Variants in RSBN1 observed in about 807,000 individuals in gnomAD.
RSBN1 encodes the protein lysine-specific demethylase 9.
A neutral mutation model predicts 74.8 loss-of-function variants in RSBN1; 23 were observed. That is an observed-to-expected ratio of 0.31 (90% CI 0.22 to 0.44). The LOEUF is 0.44. Ranked by LOEUF, RSBN1 falls within the 20% of genes least tolerant of loss-of-function variation. The pLI is 1.00. For missense variants in RSBN1, 808 were observed against 1,020.9 expected, an observed-to-expected ratio of 0.79 and a Z score of 2.84; for synonymous variants, 407 against 379.6, an observed-to-expected ratio of 1.07 and a Z score of -0.84.
chr1:113,809,247 C>T (rs79501241), intron 1 of RSBN1, among the ~76,000 whole-genome samples: 1 of 152,202 alleles, frequency 6.6e-6, no homozygotes, highest in Admixed American at 6.5e-5. Flanking sequence ...AGTACTTTCA[C>T]ACAATGCCCT....
chr1:113,766,858 C>T (rs1401227721), intron 6 of RSBN1, among the ~76,000 whole-genome samples: 4 of 152,112 alleles, frequency 2.6e-5, no homozygotes, highest in South Asian at 2.1e-4. Context: ...ATAACTGAGC[C>T]GCCTGGGACC....
At chr1:113,788,943 AAAC>A (rs1276229966) in intron 2 of RSBN1, among the ~76,000 whole-genome samples, 2 of 152,122 alleles carry the variant, frequency 1.3e-5, no homozygotes, top group Non-Finnish European at 2.9e-5. Flanking sequence ...ATAAAACTGT[AAAC>A]AACCTCAATG....
chr1:113,764,918 C>T lies in RSBN1; in HGVS notation c.*1062G>A, dbSNP rs906961886. On this transcript the variant is annotated 3_prime_UTR_variant, in exon 7 of 7. Transcript: ENST00000261441. ...ACTAAGCATTAGCCTACCTGAAACT[C>T]TAGGATGAAGTCTAGTGCTGTATTC... 2.0e-5 allele frequency: 3 copies of T among 152,170 alleles called. No individual in the cohort carries two copies. Among genetic ancestry groups the T allele is most frequent in the Admixed American group, 1.3e-4 (2 of 15,256 alleles). The allele number at this position is 152,170 out of a possible 1,614,324, so 9.4% of individuals were successfully genotyped here.
chr1:113,787,413 G>A (rs937039090), intron 2 of RSBN1, among the ~76,000 whole-genome samples: 5 of 152,306 alleles, frequency 3.3e-5, no homozygotes, highest in Admixed American at 3.3e-4. Flanking sequence ...TTTGCAAACT[G>A]AGAACTCTGG....
Position 113,777,653 on chromosome 1 carries a change from A to G in RSBN1, c.1515+18T>C, listed in dbSNP as rs764797483. ...TTAAGTAAAGATCAAAACTTTAATA[A>G]TCTTAATTAACACTCACTTTCAGAA... is the stretch of plus-strand genomic sequence containing the variant. On this transcript the variant is annotated intron_variant, in intron 3 of 6. Coordinates refer to ENST00000261441, the MANE Select transcript of RSBN1 (RefSeq NM_018364.5). The G allele has an allele frequency of 1.1e-5, 18 of 1,600,446 alleles. No individual in the cohort carries two copies. The highest frequency in any genetic ancestry group is 1.5e-5 in the Non-Finnish European group (17 of 1,170,916).
intron 4 of RSBN1, among the ~76,000 whole-genome samples, chr1:113,774,451 G>C (rs1211220464): frequency 2.6e-5 from 4 of 151,938 alleles, no homozygotes; most frequent in Non-Finnish European, 5.9e-5. Flanking sequence ...GAGGCGGGTG[G>C]ATCACGAGGT....
At position 113,767,114 on chromosome 1, in the gene RSBN1, T is replaced by A; in HGVS notation, c.1920A>T (p.Glu640Asp). Reference protein sequence around the residue: ...VVQRLQLDLHEPPVSQCVQWV... With the variant: ...VVQRLQLDLHDPPVSQCVQWV... Reference sequence around the variant, plus strand: ...AAGTTATTACCTGGGAAACTGGAGGTTCATGAAGATCTAACTGAAGTCTTT... The same window carrying A: ...AAGTTATTACCTGGGAAACTGGAGGATCATGAAGATCTAACTGAAGTCTTT... Residue 640 changes from glutamate to aspartate, a missense_variant, in exon 6 of 7, where the codon GAA (glutamate) becomes GAT (aspartate). By Grantham distance (45) the Glu-to-Asp change is conservative. Transcript: ENST00000261441. 1 of 1,596,670 alleles carries A rather than the reference T, an allele frequency of 6.3e-7. No homozygotes were observed. The highest frequency in any genetic ancestry group is 1.7e-4 in the Middle Eastern group (1 of 5,990).
At chr1:113,773,521 T>A (rs1659921154) in intron 4 of RSBN1, among the ~76,000 whole-genome samples, 1 of 151,972 alleles carries the variant, frequency 6.6e-6, no homozygotes, top group African/African-American at 2.4e-5. Flanking sequence ...AGACTCTGTC[T>A]AAAACAATTT....
At chr1:113,782,283 T>G (rs998743634) in intron 2 of RSBN1, among the ~76,000 whole-genome samples, 2 of 152,122 alleles carry the variant, frequency 1.3e-5, no homozygotes, top group Admixed American at 6.6e-5. Context: ...ATTTACAGAT[T>G]TTAGGTAAGT....
intron 1 of RSBN1, 96 bp downstream of exon 1, chr1:113,811,614 G>C: frequency 6.8e-7 from 1 of 1,467,404 alleles, no homozygotes. Context: ...GCAGCAGAAG[G>C]TAAGCAGGGG....
chr1:113,767,390 A>T (rs1403398275), intron 5 of RSBN1, among the ~76,000 whole-genome samples, 183 bp from the exon 6 acceptor site: 1 of 152,166 alleles, frequency 6.6e-6, no homozygotes, highest in Non-Finnish European at 1.5e-5. Context: ...AGCCATAAAA[A>T]TCAGATTTGC....
chr1:113,789,386 C>T lies in RSBN1; in HGVS notation c.1377+7977G>A, dbSNP rs370723245. On this transcript the variant is annotated intron_variant, in intron 2 of 6. Transcript: ENST00000261441. ...CTACGGGGAAAGAAGCTCCTGTGCT[C>T]GGGACCCTTCCAGACCATGCCCTGT... Among the ~76,000 whole-genome samples, 17 of 152,264 alleles carry T rather than the reference C, an allele frequency of 1.1e-4. No individual in the cohort carries two copies. The East Asian group carries it at 1.2e-3, about 10-fold the overall frequency.
chr1:113,764,035 G>A lies in RSBN1; in HGVS notation c.*1945C>T, dbSNP rs1356818122. On this transcript the variant is annotated 3_prime_UTR_variant, in exon 7 of 7. Transcript: ENST00000261441. ...GAAGAATTTTACTTTGCACAGCCTG[G>A]TAAAGCTCTTCTGGACAGAAAAATA... 1 of 152,222 alleles carries A rather than the reference G, an allele frequency of 6.6e-6. No individual in the cohort carries two copies. The highest frequency in any genetic ancestry group is 1.9e-4 in the East Asian group (1 of 5,336). The allele number at this position is 152,222 out of a possible 1,614,324, so 9.4% of individuals were successfully genotyped here. A position where few individuals can be genotyped will look rare whatever the true frequency, so the allele number is the denominator to read the frequency against.
chr1:113,774,398 G>A (rs1659944966), intron 4 of RSBN1, among the ~76,000 whole-genome samples: 1 of 151,974 alleles, frequency 6.6e-6, no homozygotes, highest in Admixed American at 6.6e-5. Flanking sequence ...CAACAGGCCA[G>A]GCACGGTGGC....
intron 2 of RSBN1, among the ~76,000 whole-genome samples, chr1:113,791,241 AT>A (rs1395691345): frequency 2.0e-5 from 3 of 152,224 alleles, no homozygotes; most frequent in Admixed American, 6.5e-5. Flanking sequence ...ATTAAAAAAA[AT>A]AATAGTTTTG....
intron 1 of RSBN1, among the ~76,000 whole-genome samples, chr1:113,802,662 A>G (rs1558004297): frequency 6.6e-6 from 1 of 151,776 alleles, no homozygotes; most frequent in Non-Finnish European, 1.5e-5. Flanking sequence ...TATACTTTCT[A>G]GAAGTATACT....
chr1:113,799,837 C>T (rs1558003520), intron 1 of RSBN1, among the ~76,000 whole-genome samples: 1 of 152,088 alleles, frequency 6.6e-6, no homozygotes, highest in East Asian at 1.9e-4. Flanking sequence ...GAAAATATAC[C>T]TAGCAGGAAA....
chr1:113,811,546 CA>C (rs1660846841), intron 1 of RSBN1, among the ~76,000 whole-genome samples, 163 bp downstream of exon 1: 1 of 152,194 alleles, frequency 6.6e-6, no homozygotes, highest in African/African-American at 2.4e-5. Flanking sequence ...GTAGTTAGAT[CA>C]AACCGTGTCA....
chr1:113,811,168 A>T (rs1208478856), intron 1 of RSBN1, among the ~76,000 whole-genome samples: 2 of 152,184 alleles, frequency 1.3e-5, no homozygotes, highest in African/African-American at 2.4e-5. Context: ...AAAACTTTAA[A>T]ATGATTTTTA....
Sources: gnomAD v4.1 joint callset for allele counts (sites outside exome capture counted in the v4.1 genomes callset) on GRCh38, gnomAD v4.1.1 for gene constraint, MANE v1.5 for transcripts, NCBI Gene and HGNC (gene_info 2026-07-23, HGNC 2026-07-21) for gene names.